Variants in FCHSD2 observed in about 807,000 individuals in gnomAD.
The protein encoded by FCHSD2 is F-BAR and double SH3 domains protein 2.
In FCHSD2, 38 loss-of-function variants were observed where a neutral mutation model predicts 108.1. The observed-to-expected ratio is 0.35, with a 90% CI of 0.27 to 0.46. The LOEUF (loss-of-function observed/expected upper bound fraction) is 0.46, where lower values mean the gene tolerates loss of function less well. Among genes scored for constraint, FCHSD2 ranks in the 20% least tolerant of loss-of-function variants. FCHSD2 has a pLI of 1.00. For missense variants in FCHSD2, 751 were observed against 897.8 expected (o/e 0.84, Z 2.09); for synonymous variants, 279 against 314.7 (o/e 0.89, Z 1.20).
chr11:72,843,644 T>C, intron 14 of FCHSD2, 112 bp from the exon 15 acceptor site: 1 of 721,544 alleles, frequency 1.4e-6, no homozygotes, highest in South Asian at 1.7e-5. Context: ...TTGAGAAACA[T>C]GTTGAACATA....
At chr11:72,865,952 C>T (rs1854711081) in intron 13 of FCHSD2, among the ~76,000 whole-genome samples, 1 of 152,046 alleles carries the variant, frequency 6.6e-6, no homozygotes, top group African/African-American at 2.4e-5. Context: ...AGGAGGGAGA[C>T]CAAGTTTTGT....
At chr11:73,055,478 A>C (rs1474675992) in intron 3 of FCHSD2, among the ~76,000 whole-genome samples, 1 of 152,230 alleles carries the variant, frequency 6.6e-6, no homozygotes, top group Non-Finnish European at 1.5e-5. Flanking sequence ...CCATCCAATA[A>C]AATCTGATAA....
At chr11:72,924,308 T>C (rs1216432986) in intron 8 of FCHSD2, among the ~76,000 whole-genome samples, 1 of 152,096 alleles carries the variant, frequency 6.6e-6, no homozygotes, top group East Asian at 1.9e-4. Context: ...GACAGAGTCT[T>C]GCTCTATTGC....
At chr11:72,845,212 G>A (rs557182064) in intron 14 of FCHSD2, among the ~76,000 whole-genome samples, 19 of 152,240 alleles carry the variant, frequency 1.2e-4, no homozygotes, top group African/African-American at 1.7e-4. Context: ...CTTGAGGCCA[G>A]CAGTTTGAGA....
At chr11:73,084,143 AC>A (rs1041638786) in intron 2 of FCHSD2, among the ~76,000 whole-genome samples, 1 of 152,264 alleles carries the variant, frequency 6.6e-6, no homozygotes, top group Non-Finnish European at 1.5e-5. Context: ...AAGAATAGCT[AC>A]TATATATTAG....
chr11:72,994,192 C>T (rs554740294), intron 5 of FCHSD2, among the ~76,000 whole-genome samples: 1 of 152,230 alleles, frequency 6.6e-6, no homozygotes, highest in East Asian at 1.9e-4. Context: ...TAGATGCTTC[C>T]CTACTGGCAA....
At chr11:72,917,835 C>T (rs1855904396) in intron 9 of FCHSD2, among the ~76,000 whole-genome samples, 1 of 151,896 alleles carries the variant, frequency 6.6e-6, no homozygotes, top group South Asian at 2.1e-4. Flanking sequence ...TTGCAGTGAG[C>T]TGAGCTCATG....
chr11:73,047,646 A>T lies in FCHSD2; in HGVS notation c.166-31761T>A, dbSNP rs531853027. On this transcript the variant is annotated intron_variant, in intron 3 of 19. Coordinates refer to ENST00000409418, the MANE Select transcript of FCHSD2 (RefSeq NM_014824.3). ...CCATGATTTCTAACGGCAAATATTTATGCTCTTTCTTTCAGAAATGGGATT... is the reference window on the plus strand; with the variant it reads ...CCATGATTTCTAACGGCAAATATTTTTGCTCTTTCTTTCAGAAATGGGATT... Among the ~76,000 whole-genome samples the T allele has an allele frequency of 1.9e-3, 296 of 152,346 alleles. 1 individual carries two copies. The highest frequency in any genetic ancestry group is 6.8e-3 in the African/African-American group (283 of 41,588).
Position 73,035,193 on chromosome 11 carries a change from TGTATGTATGTAC to T in FCHSD2, c.166-19320_166-19309del, listed in dbSNP as rs756731924. Among the ~76,000 whole-genome samples the T allele has an allele frequency of 7.7e-3, 1,110 of 144,160 alleles. 9 individuals carry two copies. The highest frequency in any genetic ancestry group is 0.018 in the Admixed American group (250 of 14,084). The allele number at this position is 144,160 out of a possible 152,430, so 94.6% of individuals were successfully genotyped here. A position where few individuals can be genotyped will look rare whatever the true frequency, so the allele number is the denominator to read the frequency against. ...ATGTATGTATGTATGTATGTATGTA[TGTATGTATGTAC>T]GTACTAAGACAAGGTCTCGCTCTGT... On this transcript the variant is annotated intron_variant, in intron 3 of 19. Coordinates refer to ENST00000409418, the MANE Select transcript of FCHSD2 (RefSeq NM_014824.3).
At chr11:73,033,849 T>C (rs1858424174) in intron 3 of FCHSD2, among the ~76,000 whole-genome samples, 1 of 152,196 alleles carries the variant, frequency 6.6e-6, no homozygotes. Context: ...AGTTAACAAC[T>C]AGTATACTGT....
intron 4 of FCHSD2, among the ~76,000 whole-genome samples, chr11:73,006,421 T>C (rs1272348273): frequency 6.6e-6 from 1 of 152,236 alleles, no homozygotes; most frequent in Non-Finnish European, 1.5e-5. Flanking sequence ...CCCAAAGCCC[T>C]GGAATCATCA....
intron 9 of FCHSD2, among the ~76,000 whole-genome samples, chr11:72,921,508 C>T (rs1032852779): frequency 6.6e-6 from 1 of 152,196 alleles, no homozygotes; most frequent in African/African-American, 2.4e-5. Context: ...TTGTTTCCCC[C>T]ATGTGAGCAG....
intron 3 of FCHSD2, among the ~76,000 whole-genome samples, chr11:73,049,182 C>T (rs1466182870): frequency 2.0e-5 from 3 of 152,090 alleles, no homozygotes; most frequent in Non-Finnish European, 2.9e-5. Context: ...TGTGATATCA[C>T]TGTTTAAAAA....
intron 2 of FCHSD2, among the ~76,000 whole-genome samples, chr11:73,093,424 C>T (rs1860002311): frequency 6.6e-6 from 1 of 152,062 alleles, no homozygotes; most frequent in Non-Finnish European, 1.5e-5. Flanking sequence ...GACCTCCAAC[C>T]TTGAAGTTGG....
intron 2 of FCHSD2, among the ~76,000 whole-genome samples, chr11:73,102,295 T>G (rs897207470): frequency 6.6e-6 from 1 of 152,168 alleles, no homozygotes. Flanking sequence ...ATAATATAGA[T>G]AGACTCTGGG....
At chr11:73,103,490 G>A (rs1387301933) in intron 2 of FCHSD2, among the ~76,000 whole-genome samples, 1 of 152,084 alleles carries the variant, frequency 6.6e-6, no homozygotes, top group Non-Finnish European at 1.5e-5. Context: ...CCAAATATCT[G>A]CCGCCTTCTG....
intron 8 of FCHSD2, among the ~76,000 whole-genome samples, chr11:72,963,013 C>T (rs770997974): frequency 5.3e-5 from 8 of 152,076 alleles, no homozygotes; most frequent in African/African-American, 7.2e-5. Context: ...AGTTACCTCT[C>T]TATGCCTTGG....
At chr11:72,926,367 TAG>T (rs1360220688) in intron 8 of FCHSD2, among the ~76,000 whole-genome samples, 1 of 151,892 alleles carries the variant, frequency 6.6e-6, no homozygotes. Flanking sequence ...AGGAATAGGG[TAG>T]AGAGAGGATG....
chr11:73,098,832 T>A (rs1860150978), intron 2 of FCHSD2, among the ~76,000 whole-genome samples: 1 of 152,148 alleles, frequency 6.6e-6, no homozygotes, highest in African/African-American at 2.4e-5. Context: ...CAGGGGCAAT[T>A]CTTCATGACC....
Sources: allele counts gnomAD v4.1 joint callset (sites outside exome capture counted in the v4.1 genomes callset), GRCh38; gene constraint gnomAD v4.1.1; transcripts MANE v1.5; gene names NCBI Gene and HGNC (gene_info 2026-07-23, HGNC 2026-07-21).